Variants in PPM1E observed in about 807,000 individuals in gnomAD.
PPM1E encodes the protein protein phosphatase 1E.
Under a neutral mutation model 65.9 loss-of-function variants are expected in PPM1E, and 20 were observed. The observed-to-expected ratio is 0.30, with a 90% CI of 0.21 to 0.44. The LOEUF (loss-of-function observed/expected upper bound fraction) is 0.44. Ranked by LOEUF, PPM1E falls within the 20% of genes least tolerant of loss-of-function variation. The pLI is 1.00. For synonymous variants in PPM1E, 352 were observed against 374.9 expected (o/e 0.94, Z 0.70); for missense variants, 713 against 953.1 (o/e 0.75, Z 3.32).
intron 1 of PPM1E, among the ~76,000 whole-genome samples, chr17:58,799,709 G>T (rs2050241341): frequency 6.6e-6 from 1 of 152,188 alleles, no homozygotes; most frequent in Non-Finnish European, 1.5e-5. Flanking sequence ...CTCCCAAAGT[G>T]CTGGGATTAC....
chr17:58,934,743 A>G (rs1405327638), intron 1 of PPM1E, among the ~76,000 whole-genome samples: 2 of 152,140 alleles, frequency 1.3e-5, no homozygotes, highest in African/African-American at 4.8e-5. Flanking sequence ...CCTGGCCAAC[A>G]TGGTGAAACC....
In PPM1E at chr17:58,849,064, G is replaced by T. The variant is rs899735425; in HGVS notation, c.464+92603G>T. On this transcript the variant is annotated intron_variant, in intron 1 of 6. Transcript: ENST00000308249. ...AGATTTTCTACTTTATTTGTGTAGA[G>T]GTGTTTATAGTATTCTCTGATGGTA... Among the ~76,000 whole-genome samples the T allele has an allele frequency of 3.4e-4, 52 of 152,174 alleles. 1 individual carries two copies.
Position 58,856,572 on chromosome 17 carries a change from C to T in PPM1E, c.465-99077C>T, listed in dbSNP as rs1052362533. ...AAATTCATATGTTGAGGTTTTAACCCCCAGCACCTCAGAATGATATAGGGC... is the reference window on the plus strand; with the variant it reads ...AAATTCATATGTTGAGGTTTTAACCTCCAGCACCTCAGAATGATATAGGGC... On this transcript the variant is annotated intron_variant, in intron 1 of 6. Transcript: ENST00000308249. Among the ~76,000 whole-genome samples the T allele has an allele frequency of 5.3e-5, 8 of 152,218 alleles. No homozygotes were observed. The East Asian group carries it at 1.5e-3, about 29-fold the overall frequency.
chr17:58,947,401 T>A (rs1337363232), intron 1 of PPM1E, among the ~76,000 whole-genome samples: 13 of 151,798 alleles, frequency 8.6e-5, no homozygotes, highest in Non-Finnish European at 1.6e-4. Flanking sequence ...CACACCCAGC[T>A]AGTTTTTGTA....
In PPM1E at chr17:58,981,523, C is replaced by T. The variant is rs2031354432; in HGVS notation, c.*492C>T. 1 of 153,142 alleles carries T rather than the reference C, an allele frequency of 6.5e-6. No individual in the cohort carries two copies. Among genetic ancestry groups the T allele is most frequent in the Admixed American group, 6.5e-5 (1 of 15,350 alleles). The allele number at this position is 153,142 out of a possible 1,614,324, so 9.5% of individuals were successfully genotyped here. ...TATGAAGGAACCCCCTGCCCCCTCACCTTTTTGGGTAGGTAAAAGACTAAA... is the reference window on the plus strand; with the variant it reads ...TATGAAGGAACCCCCTGCCCCCTCATCTTTTTGGGTAGGTAAAAGACTAAA... On this transcript the variant is annotated 3_prime_UTR_variant, in exon 7 of 7. Coordinates refer to ENST00000308249, the MANE Select transcript of PPM1E (RefSeq NM_014906.5).
chr17:58,940,876 A>G (rs974354191), intron 1 of PPM1E, among the ~76,000 whole-genome samples: 3 of 152,118 alleles, frequency 2.0e-5, no homozygotes, highest in Non-Finnish European at 4.4e-5. Flanking sequence ...ATGCGTGGCT[A>G]ATTTTTGTAT....
At chr17:58,808,740 T>C (rs557494293) in intron 1 of PPM1E, among the ~76,000 whole-genome samples, 9 of 152,304 alleles carry the variant, frequency 5.9e-5, no homozygotes, top group Admixed American at 5.9e-4. Flanking sequence ...ACAATCTAAT[T>C]TTAGAACATT....
chr17:58,934,087 CAA>C (rs11316368), intron 1 of PPM1E, among the ~76,000 whole-genome samples: 227 of 80,128 alleles, frequency 2.8e-3, no homozygotes, highest in East Asian at 4.1e-3. Context: ...GACTTCGTAT[CAA>C]AAAAAAAAAA....
chr17:58,883,005 A>AGTGCAGTG lies in PPM1E; in HGVS notation c.465-72640_465-72633dup, dbSNP rs930064453. Among the ~76,000 whole-genome samples, 8 of 125,322 alleles carry AGTGCAGTG rather than the reference A, an allele frequency of 6.4e-5. No individual in the cohort carries two copies. The Admixed American group carries it at 8.2e-4, about 13-fold the overall frequency. The allele number at this position is 125,322 out of a possible 152,430, so 82.2% of individuals were successfully genotyped here. A position where few individuals can be genotyped will look rare whatever the true frequency, so the allele number is the denominator to read the frequency against. On this transcript the variant is annotated intron_variant, in intron 1 of 6. Transcript: ENST00000308249. ...GTTTTGCTCTTGTCACCCAGGCTGG[A>AGTGCAGTG]GTGCAGTGGTGTGATCTCGGCTCAC...
At chr17:58,775,758 C>CA (rs2049987217) in intron 1 of PPM1E, among the ~76,000 whole-genome samples, 1 of 149,068 alleles carries the variant, frequency 6.7e-6, no homozygotes. Context: ...ACTAAAAATA[C>CA]AAAAAATTAG....
chr17:58,762,524 A>G (rs2049831079), intron 1 of PPM1E, among the ~76,000 whole-genome samples: 2 of 152,186 alleles, frequency 1.3e-5, no homozygotes, highest in South Asian at 2.1e-4. Flanking sequence ...ATGCAAGTGT[A>G]AGAAACATAA....
rs1433571699 is a variant in PPM1E at position 58,836,748 on chromosome 17, G to A, written c.464+80287G>A. On this transcript the variant is annotated intron_variant, in intron 1 of 6. Transcript: ENST00000308249. The stretch of plus-strand genomic sequence containing the variant: ...AAAGTGCCAGGATTATTGGCCGGGC[G>A]CGGTGGCTCACGCCTGTAATCCCAG... Among the ~76,000 whole-genome samples the A allele has an allele frequency of 5.9e-4, 89 of 150,200 alleles. 1 individual carries two copies. The highest frequency in any genetic ancestry group is 1.9e-3 in the African/African-American group (79 of 41,194).
chr17:58,880,330 G>A (rs896423091), intron 1 of PPM1E, among the ~76,000 whole-genome samples: 1 of 152,148 alleles, frequency 6.6e-6, no homozygotes. Flanking sequence ...TAGTCAATAT[G>A]TCAGAGTGGT....
chr17:58,898,820 T>C (rs1395531724), intron 1 of PPM1E, among the ~76,000 whole-genome samples: 2 of 152,166 alleles, frequency 1.3e-5, no homozygotes, highest in African/African-American at 4.8e-5. Context: ...CATGGAATAC[T>C]GTGCAGCCAT....
chr17:58,840,900 G>GC (rs2050711360), intron 1 of PPM1E, among the ~76,000 whole-genome samples: 2 of 152,306 alleles, frequency 1.3e-5, no homozygotes, highest in Admixed American at 1.3e-4. Flanking sequence ...AAAGTATGTT[G>GC]CAAGGAAGCA....
chr17:58,830,869 G>A (rs1407240978), intron 1 of PPM1E, among the ~76,000 whole-genome samples: 1 of 151,642 alleles, frequency 6.6e-6, no homozygotes, highest in Non-Finnish European at 1.5e-5. Flanking sequence ...ATTTTTTGTA[G>A]AGGCAGGGTT....
chr17:58,811,975 TG>T (rs1457785479), intron 1 of PPM1E, among the ~76,000 whole-genome samples: 1 of 152,166 alleles, frequency 6.6e-6, no homozygotes, highest in African/African-American at 2.4e-5. Flanking sequence ...GGCCAATTTA[TG>T]CTGTTTTTCT....
intron 1 of PPM1E, among the ~76,000 whole-genome samples, chr17:58,792,743 C>CTTTTTTTTTTTTTTTTTT (rs780992600): frequency 1.3e-5 from 1 of 76,380 alleles, no homozygotes; most frequent in African/African-American, 6.4e-5. Context: ...GAATTTTACT[C>CTTTTTTTTTTTTTTTTTT]TTTTTTTTTT....
intron 1 of PPM1E, among the ~76,000 whole-genome samples, chr17:58,821,145 T>G (rs2050475692): frequency 6.6e-6 from 1 of 152,054 alleles, no homozygotes; most frequent in African/African-American, 2.4e-5. Context: ...GAGTCTCGCT[T>G]TGTCACCCAG....
Sources: gnomAD v4.1 joint callset for allele counts (sites outside exome capture counted in the v4.1 genomes callset) on GRCh38, gnomAD v4.1.1 for gene constraint, MANE v1.5 for transcripts, NCBI Gene and HGNC (gene_info 2026-07-23, HGNC 2026-07-21) for gene names.